FSIP1: variants seen among roughly 807,000 people sequenced by gnomAD.
FSIP1 encodes fibrous sheath-interacting protein 1.
A neutral mutation model predicts 60.9 loss-of-function variants in FSIP1; 65 were observed. That is an observed-to-expected ratio of 1.07 (90% CI 0.87 to 1.31). FSIP1 has a LOEUF of 1.31. Among genes scored for constraint, FSIP1 ranks in the 40% most tolerant of loss-of-function variants. The pLI is 0.00. For missense variants in FSIP1, 675 were observed against 665.5 expected, an observed-to-expected ratio of 1.01 and a Z score of -0.16; for synonymous variants, 209 against 221.2, an observed-to-expected ratio of 0.94 and a Z score of 0.49.
At chr15:39,615,874 G>A (rs564001579) in intron 11 of FSIP1, among the ~76,000 whole-genome samples, 1 of 152,284 alleles carries the variant, frequency 6.6e-6, no homozygotes, top group East Asian at 1.9e-4. Context: ...TAAATTTTGA[G>A]ATGAATTGCA....
At chr15:39,722,677 T>C (rs1896028716) in intron 9 of FSIP1, among the ~76,000 whole-genome samples, 1 of 152,186 alleles carries the variant, frequency 6.6e-6, no homozygotes, top group Non-Finnish European at 1.5e-5. Flanking sequence ...CTTCTATGAA[T>C]CTGGGCACTT....
In FSIP1 at chr15:39,663,922, C is replaced by T. The variant is rs532865952; in HGVS notation, c.1189-45677G>A. Among the ~76,000 whole-genome samples the T allele has an allele frequency of 4.6e-5, 7 of 152,240 alleles. No homozygotes were observed. The South Asian group carries it at 1.2e-3, about 27-fold the overall frequency. On this transcript the variant is annotated intron_variant, in intron 10 of 11. Coordinates refer to ENST00000350221, the MANE Select transcript of FSIP1 (RefSeq NM_152597.5). Reference sequence around the variant, plus strand: ...CAATGGAATGTAACAAAGCATTGCTCCAAGGTATTGTTTATTAATTTCTGT... The same window carrying T: ...CAATGGAATGTAACAAAGCATTGCTTCAAGGTATTGTTTATTAATTTCTGT...
chr15:39,766,534 T>C (rs890626565), intron 3 of FSIP1, among the ~76,000 whole-genome samples: 1 of 152,252 alleles, frequency 6.6e-6, no homozygotes, highest in African/African-American at 2.4e-5. Flanking sequence ...AGCTAATTTT[T>C]AACTGAGTTA....
chr15:39,717,762 C>A (rs1895798023), intron 9 of FSIP1, among the ~76,000 whole-genome samples: 1 of 152,202 alleles, frequency 6.6e-6, no homozygotes, highest in Non-Finnish European at 1.5e-5. Flanking sequence ...TGCCCAGCCA[C>A]AAGAATCACT....
chr15:39,694,538 C>T, intron 10 of FSIP1, among the ~76,000 whole-genome samples: 1 of 152,130 alleles, frequency 6.6e-6, no homozygotes, highest in Admixed American at 6.6e-5. Flanking sequence ...TGGTGGCTCA[C>T]ACCTGTAATC....
chr15:39,782,696 C>T lies in FSIP1; in HGVS notation c.-76G>A, dbSNP rs951488706. 2 of 152,528 alleles carry T rather than the reference C, an allele frequency of 1.3e-5. No homozygotes were observed. The highest frequency in any genetic ancestry group is 2.1e-4 in the South Asian group (1 of 4,828). The allele number at this position is 152,528 out of a possible 1,614,324, so 9.4% of individuals were successfully genotyped here. ...GGCGCAGATGGCCGCAGAAGCGCGCCGCAGACACTCGCCGCGCCAGCCACT... is the reference window on the plus strand; with the variant it reads ...GGCGCAGATGGCCGCAGAAGCGCGCTGCAGACACTCGCCGCGCCAGCCACT... On this transcript the variant is annotated 5_prime_UTR_variant, in exon 1 of 12. Coordinates refer to ENST00000350221, the MANE Select transcript of FSIP1 (RefSeq NM_152597.5).
chr15:39,753,757 TA>T (rs1897230355), intron 5 of FSIP1, among the ~76,000 whole-genome samples: 1 of 151,354 alleles, frequency 6.6e-6, no homozygotes, highest in South Asian at 2.1e-4. Flanking sequence ...TATGTGTTCA[TA>T]AACTAAAAAA....
intron 1 of FSIP1, among the ~76,000 whole-genome samples, chr15:39,778,294 G>A (rs188368672): frequency 3.6e-3 from 542 of 152,266 alleles, no homozygotes; most frequent in Non-Finnish European, 6.1e-3. Context: ...GCGCAGAACC[G>A]CATAATACAT....
chr15:39,611,502 T>C (rs1464895251), intron 11 of FSIP1, among the ~76,000 whole-genome samples: 1 of 152,098 alleles, frequency 6.6e-6, no homozygotes, highest in Non-Finnish European at 1.5e-5. Flanking sequence ...TAAAAACCTG[T>C]AATAGTTGCA....
intron 10 of FSIP1, among the ~76,000 whole-genome samples, chr15:39,659,415 G>A (rs569342312): frequency 1.8e-4 from 27 of 151,888 alleles, no homozygotes; most frequent in African/African-American, 5.1e-4. Flanking sequence ...GGTGGCGGGC[G>A]CCTGTAGTCC....
At chr15:39,749,391 G>A (rs1027877731) in intron 5 of FSIP1, among the ~76,000 whole-genome samples, 1 of 149,854 alleles carries the variant, frequency 6.7e-6, no homozygotes, top group African/African-American at 2.5e-5. Context: ...AATCTCTGAT[G>A]AACATTGATG....
chr15:39,733,344 C>T (rs897308023), intron 8 of FSIP1, among the ~76,000 whole-genome samples: 1 of 152,120 alleles, frequency 6.6e-6, no homozygotes, highest in African/African-American at 2.4e-5. Flanking sequence ...AAACAATTGC[C>T]TTTAAAAATC....
At chr15:39,620,614 T>C (rs1891404134) in intron 10 of FSIP1, among the ~76,000 whole-genome samples, 1 of 151,406 alleles carries the variant, frequency 6.6e-6, no homozygotes, top group Non-Finnish European at 1.5e-5. Context: ...TTTTTTGACA[T>C]GGAGTCTTGC....
At chr15:39,713,745 G>A (rs973047706) in intron 9 of FSIP1, among the ~76,000 whole-genome samples, 164 bp from the exon 10 acceptor site, 29 of 152,112 alleles carry the variant, frequency 1.9e-4, no homozygotes, top group Non-Finnish European at 1.6e-4. Flanking sequence ...CATTTTAGGA[G>A]GTAAATGTCC....
intron 10 of FSIP1, among the ~76,000 whole-genome samples, chr15:39,668,126 A>G (rs1346626629): frequency 6.6e-6 from 1 of 151,820 alleles, no homozygotes; most frequent in East Asian, 1.9e-4. Context: ...AATGGAAAAG[A>G]GAGAAGTGGG....
At chr15:39,677,780 G>A (rs1893999417) in intron 10 of FSIP1, among the ~76,000 whole-genome samples, 1 of 152,062 alleles carries the variant, frequency 6.6e-6, no homozygotes, top group African/African-American at 2.4e-5. Flanking sequence ...GGCAGATCAC[G>A]AGGTCAAGAG....
intron 10 of FSIP1, among the ~76,000 whole-genome samples, chr15:39,688,752 C>G (rs2140500150): frequency 6.6e-6 from 1 of 152,266 alleles, no homozygotes; most frequent in South Asian, 2.1e-4. Context: ...CCTCTAAAAC[C>G]CTGCTTCATG....
At chr15:39,780,922 G>A (rs1434850257) in intron 1 of FSIP1, among the ~76,000 whole-genome samples, 1 of 152,178 alleles carries the variant, frequency 6.6e-6, no homozygotes, top group African/African-American at 2.4e-5. Flanking sequence ...ACATGTGACT[G>A]TGGGTTAGGC....
intron 11 of FSIP1, among the ~76,000 whole-genome samples, chr15:39,616,403 T>C (rs1891231808): frequency 6.6e-6 from 1 of 152,184 alleles, no homozygotes; most frequent in African/African-American, 2.4e-5. Context: ...AAGGTGAGTG[T>C]GTATGTGATC....
Sources: allele counts gnomAD v4.1 joint callset (sites outside exome capture counted in the v4.1 genomes callset), GRCh38; gene constraint gnomAD v4.1.1; transcripts MANE v1.5; gene names NCBI Gene and HGNC (gene_info 2026-07-23, HGNC 2026-07-21).